The following CEP57 variants were observed in gnomAD, a reference collection of about 807,000 sequenced individuals.
The protein encoded by CEP57 is centrosomal protein of 57 kDa.
CEP57 carries 40 observed loss-of-function variants against 68.0 expected under a neutral mutation model. The ratio of observed to expected loss-of-function variants is 0.59; its 90% CI spans 0.46 to 0.77. The LOEUF is 0.77. Ranked by LOEUF, CEP57 falls within the 30% of genes least tolerant of loss-of-function variation. The probability of loss-of-function intolerance (pLI) is 0.00; values close to 1 mark genes in which losing one functional copy is unlikely to be tolerated. For synonymous variants in CEP57, 219 were observed against 198.7 expected, an observed-to-expected ratio of 1.10 and a Z score of -0.86; for missense variants, 606 against 580.7, an observed-to-expected ratio of 1.04 and a Z score of -0.45.
At chr11:95,810,977 AC>A (rs1862034664) in intron 2 of CEP57, among the ~76,000 whole-genome samples, 1 of 152,234 alleles carries the variant, frequency 6.6e-6, no homozygotes, top group South Asian at 2.1e-4. Flanking sequence ...GAATACTTTT[AC>A]ACTGTTGGTG....
At chr11:95,809,068 A>G (rs1861936079) in intron 2 of CEP57, among the ~76,000 whole-genome samples, 1 of 152,242 alleles carries the variant, frequency 6.6e-6, no homozygotes, top group South Asian at 2.1e-4. Flanking sequence ...CCACTCAACT[A>G]CATGGAAAGT....
chr11:95,822,703 G>C (rs1862567090), intron 8 of CEP57, 127 bp downstream of exon 8: 1 of 438,268 alleles, frequency 2.3e-6, no homozygotes, highest in Admixed American at 3.1e-5. Flanking sequence ...GTGGATCACA[G>C]TGATGTGAAA....
intron 4 of CEP57, 94 bp from the exon 5 acceptor site, chr11:95,817,693 G>A: frequency 3.6e-6 from 3 of 836,686 alleles, no homozygotes; most frequent in Non-Finnish European, 6.3e-6. Flanking sequence ...GTAGTTATGT[G>A]AAGGGCCAAA....
intron 1 of CEP57, among the ~76,000 whole-genome samples, chr11:95,794,025 CAT>C (rs1431707896): frequency 1.3e-5 from 2 of 152,110 alleles, no homozygotes; most frequent in East Asian, 1.9e-4. Flanking sequence ...AACAAAATAA[CAT>C]ATCCAACAGA....
At chr11:95,793,304 G>A (rs1861182876) in intron 1 of CEP57, among the ~76,000 whole-genome samples, 1 of 152,150 alleles carries the variant, frequency 6.6e-6, no homozygotes, top group African/African-American at 2.4e-5. Flanking sequence ...ATGGAGGTAT[G>A]GGCAGCATTG....
chr11:95,832,295 T>G lies in CEP57; in HGVS notation c.*1039T>G, dbSNP rs1462834144. ...TGTGACAAGCTCTCAAAAAATGCAT[T>G]TCTAAATAGGAGGACATCAATGTAT... On this transcript the variant is annotated 3_prime_UTR_variant, in exon 11 of 11. Transcript: ENST00000325542. 3 of 152,110 alleles carry G rather than the reference T, an allele frequency of 2.0e-5. No individual in the cohort carries two copies. The highest frequency in any genetic ancestry group is 7.2e-5 in the African/African-American group (3 of 41,428). 9.4% of individuals were successfully genotyped at this position (152,110 alleles called of 1,614,324 possible). A position where few individuals can be genotyped will look rare whatever the true frequency, so the allele number is the denominator to read the frequency against.
At chr11:95,809,965 A>G (rs994026631) in intron 2 of CEP57, among the ~76,000 whole-genome samples, 1 of 152,244 alleles carries the variant, frequency 6.6e-6, no homozygotes, top group South Asian at 2.1e-4. Flanking sequence ...AATACTGGCA[A>G]ACCGAATCCA....
intron 1 of CEP57, among the ~76,000 whole-genome samples, chr11:95,798,294 CTTTAAT>C (rs1448617637): frequency 6.6e-6 from 1 of 152,132 alleles, no homozygotes; most frequent in East Asian, 1.9e-4. Context: ...GAAGTAAAAT[CTTTAAT>C]TTTAAATAAG....
intron 2 of CEP57, among the ~76,000 whole-genome samples, chr11:95,809,050 A>G (rs1861935323): frequency 6.6e-6 from 1 of 152,180 alleles, no homozygotes; most frequent in Non-Finnish European, 1.5e-5. Flanking sequence ...TAAGAAACTC[A>G]CTCAAAACCA....
Position 95,812,977 on chromosome 11 carries a change from T to G in CEP57, c.248T>G (p.Leu83Trp). The change falls in exon 3 of 11, where the codon TTG becomes TGG. Residue 83 changes from leucine to tryptophan, a missense_variant. Physicochemically the swap from Leu to Trp is moderately conservative, Grantham distance 61. Coordinates refer to ENST00000325542, the MANE Select transcript of CEP57 (RefSeq NM_014679.5). Reference sequence around the variant, plus strand: ...AATCTTCAAGATAAGATTCGACGCTTGGAACTTGAGAGGATTCAGGCAGAA... The same window carrying G: ...AATCTTCAAGATAAGATTCGACGCTGGGAACTTGAGAGGATTCAGGCAGAA... Reference protein sequence around the residue: ...LKNLQDKIRRLELERIQAEES... With the variant: ...LKNLQDKIRRWELERIQAEES... 1 of 1,614,074 alleles carries G rather than the reference T, an allele frequency of 6.2e-7. No homozygotes were observed. Among genetic ancestry groups the G allele is most frequent in the Non-Finnish European group, 8.5e-7 (1 of 1,180,004 alleles).
chr11:95,819,596 A>G (rs562143833), intron 6 of CEP57, among the ~76,000 whole-genome samples: 2 of 152,222 alleles, frequency 1.3e-5, no homozygotes, highest in Non-Finnish European at 2.9e-5. Flanking sequence ...GTATTTGCTC[A>G]AATTCCTCCC....
chr11:95,810,407 A>G (rs941276377), intron 2 of CEP57, among the ~76,000 whole-genome samples: 4 of 152,184 alleles, frequency 2.6e-5, no homozygotes, highest in African/African-American at 9.7e-5. Context: ...GAGGAAGTCA[A>G]ATTGTCCCTG....
intron 1 of CEP57, among the ~76,000 whole-genome samples, chr11:95,792,061 A>C (rs1347831394): frequency 6.6e-6 from 1 of 152,180 alleles, no homozygotes; most frequent in Admixed American, 6.5e-5. Context: ...GACTTGTTAG[A>C]ATTTGTAATA....
Position 95,813,047 on chromosome 11 carries a change from A to G in CEP57, c.318A>G (p.Lys106=). 4 of 1,613,912 alleles carry G rather than the reference A, an allele frequency of 2.5e-6. No homozygotes were observed. In the East Asian group the frequency reaches 6.7e-5, roughly 27 times the overall value. The change falls in exon 3 of 11, where the codon AAA becomes AAG. Residue 106 remains lysine, a synonymous_variant. Transcript: ENST00000325542. The part of the protein sequence containing the change: ...TLSRETIEYK[K]VLDEQIQERE... The stretch of plus-strand genomic sequence containing the variant: ...CTAGAGAAACAATTGAATATAAGAA[A>G]GTACTGGATGAACAGATACAAGAAA...
At chr11:95,812,877 A>G in intron 2 of CEP57, 55 bp from the exon 3 acceptor site, 1 of 1,488,252 alleles carries the variant, frequency 6.7e-7, no homozygotes, top group Non-Finnish European at 9.4e-7. Flanking sequence ...CTTTCTTAAT[A>G]TACTTTCTCC....
chr11:95,793,707 G>T (rs1048317052), intron 1 of CEP57, among the ~76,000 whole-genome samples: 7 of 152,108 alleles, frequency 4.6e-5, no homozygotes, highest in African/African-American at 1.7e-4. Flanking sequence ...TCTGAGATTG[G>T]CATTAATATT....
chr11:95,800,022 G>A (rs968900285), intron 2 of CEP57, among the ~76,000 whole-genome samples: 3 of 152,124 alleles, frequency 2.0e-5, no homozygotes, highest in East Asian at 1.9e-4. Context: ...CCTGCCATCT[G>A]TATTAGTTTT....
chr11:95,791,924 AGAAG>A (rs573729141), intron 1 of CEP57, among the ~76,000 whole-genome samples: 51 of 152,314 alleles, frequency 3.3e-4, no homozygotes, highest in African/African-American at 1.2e-3. Flanking sequence ...ACGTGAAAAA[AGAAG>A]GATGGTGAGG....
chr11:95,801,023 A>G (rs1403542601), intron 2 of CEP57, among the ~76,000 whole-genome samples: 1 of 152,196 alleles, frequency 6.6e-6, no homozygotes, highest in East Asian at 1.9e-4. Flanking sequence ...TATTTTTGAC[A>G]TCGTAGGCTA....
Sources: gnomAD v4.1 joint callset for allele counts (sites outside exome capture counted in the v4.1 genomes callset) on GRCh38, gnomAD v4.1.1 for gene constraint, MANE v1.5 for transcripts, NCBI Gene and HGNC (gene_info 2026-07-23, HGNC 2026-07-21) for gene names.